The following PDE6C variants were observed in gnomAD, a reference collection of about 807,000 sequenced individuals.
PDE6C encodes the protein cone cGMP-specific 3',5'-cyclic phosphodiesterase subunit alpha'.
A neutral mutation model predicts 113.1 loss-of-function variants in PDE6C; 75 were observed. The ratio of observed to expected loss-of-function variants is 0.66; its 90% CI spans 0.55 to 0.80. PDE6C has a LOEUF of 0.80. PDE6C is among the 30% of genes least tolerant of loss of function. The pLI is 0.00. For missense variants in PDE6C, 912 were observed against 1,038.6 expected, an observed-to-expected ratio of 0.88 and a Z score of 1.67; for synonymous variants, 375 against 363.7, an observed-to-expected ratio of 1.03 and a Z score of -0.35.
intron 4 of PDE6C, among the ~76,000 whole-genome samples, chr10:93,622,662 G>T (rs12784096): frequency 0.048 from 2,343 of 48,328 alleles, 110 homozygotes; most frequent in African/African-American, 0.14. Context: ...TTTTTTTTTT[G>T]TTGTTTTTTT....
At chr10:93,655,261 T>C (rs2058631053) in intron 15 of PDE6C, among the ~76,000 whole-genome samples, 1 of 152,180 alleles carries the variant, frequency 6.6e-6, no homozygotes. Flanking sequence ...GATTTCATTA[T>C]TTTTTCCTAC....
In PDE6C at chr10:93,631,869, C is replaced by T. The variant is rs567414998; in HGVS notation, c.1119+2564C>T. 2.1e-3 allele frequency among the ~76,000 whole-genome samples: 316 copies of T among 152,354 alleles called. 1 individual carries two copies. Among genetic ancestry groups the T allele is most frequent in the Non-Finnish European group, 2.9e-3 (196 of 68,038 alleles). On this transcript the variant is annotated intron_variant, in intron 8 of 21. Transcript: ENST00000371447. ...TCTTGGGGGCATAATGGATTCATTT[C>T]CTATTGCTGCTGTCACGAATTGCCA...
At chr10:93,645,880 AT>A in intron 14 of PDE6C, 79 bp from the exon 15 acceptor site, 1 of 823,052 alleles carries the variant, frequency 1.2e-6, no homozygotes, top group African/African-American at 1.7e-5. Context: ...GAAGAGAGAC[AT>A]TAAGAAAAAT....
intron 15 of PDE6C, among the ~76,000 whole-genome samples, chr10:93,654,806 C>CTTT (rs1244035989): frequency 2.4e-5 from 2 of 82,924 alleles, no homozygotes; most frequent in East Asian, 4.3e-4. Context: ...TTCTTTCTTT[C>CTTT]TTTCTTTTTT....
chr10:93,631,617 T>A (rs962158719), intron 8 of PDE6C, among the ~76,000 whole-genome samples: 16 of 152,222 alleles, frequency 1.1e-4, no homozygotes, highest in African/African-American at 3.9e-4. Flanking sequence ...TTCAACGGCA[T>A]CACCTGTGCA....
chr10:93,633,872 G>C (rs1240161718), intron 8 of PDE6C, among the ~76,000 whole-genome samples: 1 of 152,186 alleles, frequency 6.6e-6, no homozygotes, highest in Admixed American at 6.5e-5. Context: ...TCAGGCTTGG[G>C]AAAGAAAGGG....
intron 11 of PDE6C, among the ~76,000 whole-genome samples, chr10:93,639,326 T>A (rs77662583): frequency 0.037 from 5,623 of 152,340 alleles, 133 homozygotes; most frequent in Middle Eastern, 0.092. Context: ...GTATATATTT[T>A]ATAGCCACTT....
intron 16 of PDE6C, among the ~76,000 whole-genome samples, chr10:93,656,957 C>A (rs2058640597): frequency 6.6e-6 from 1 of 152,056 alleles, no homozygotes; most frequent in Non-Finnish European, 1.5e-5. Flanking sequence ...CTAAATTTAA[C>A]AAATGCGAAA....
At chr10:93,621,901 TA>T (rs765117147) in intron 3 of PDE6C, 30 bp from the exon 4 acceptor site, 26 of 1,603,792 alleles carry the variant, frequency 1.6e-5, no homozygotes, top group Non-Finnish European at 2.1e-5. Flanking sequence ...TACTTTATTC[TA>T]ACTGTTTTCT....
intron 9 of PDE6C, 107 bp from the exon 10 acceptor site, chr10:93,635,390 G>A: frequency 1.2e-6 from 1 of 827,516 alleles, no homozygotes. Context: ...AAGGAATGGG[G>A]TGGTTGATGA....
intron 15 of PDE6C, 95 bp from the exon 16 acceptor site, chr10:93,655,660 AGTGTT>A: frequency 1.5e-5 from 11 of 716,294 alleles, no homozygotes; most frequent in South Asian, 9.2e-5. Flanking sequence ...CAAACAAAAA[AGTGTT>A]GAAAGACTTT....
rs1424523043 is a variant in PDE6C, at chr10:93,640,564, A to G, written c.1737+7A>G. ...CATGTTTACTTTGCTGATGGTAGGTACAGAGGGCTGTAAATCCTTGTAAAC... is the reference window on the plus strand; with the variant it reads ...CATGTTTACTTTGCTGATGGTAGGTGCAGAGGGCTGTAAATCCTTGTAAAC... On this transcript the variant is annotated splice_region_variant and intron_variant, in intron 13 of 21. Transcript: ENST00000371447. The G allele has an allele frequency of 1.3e-6, 2 of 1,568,690 alleles. No homozygotes were observed. The highest frequency in any genetic ancestry group is 1.8e-6 in the Non-Finnish European group (2 of 1,138,628).
chr10:93,622,287 T>TG (rs1226603189), intron 4 of PDE6C, among the ~76,000 whole-genome samples: 1 of 128,000 alleles, frequency 7.8e-6, no homozygotes, highest in African/African-American at 3.1e-5. Flanking sequence ...TCAGCAAGTC[T>TG]GTTTTTTTTT....
At chr10:93,628,618 C>T (rs1049727085) in intron 7 of PDE6C, among the ~76,000 whole-genome samples, 7 of 152,162 alleles carry the variant, frequency 4.6e-5, no homozygotes, top group Admixed American at 3.9e-4. Context: ...AAATAAAATG[C>T]TATGATTTTA....
At chr10:93,646,708 G>A (rs1387858025) in intron 15 of PDE6C, among the ~76,000 whole-genome samples, 1 of 152,142 alleles carries the variant, frequency 6.6e-6, no homozygotes, top group Non-Finnish European at 1.5e-5. Flanking sequence ...GATCTCATGA[G>A]AATTCACTCA....
intron 15 of PDE6C, among the ~76,000 whole-genome samples, chr10:93,653,859 A>T (rs888162981): frequency 6.6e-6 from 1 of 152,190 alleles, no homozygotes; most frequent in Non-Finnish European, 1.5e-5. Context: ...TGCTTTGTAA[A>T]ACACCACTTT....
chr10:93,634,894 A>G lies in PDE6C; in HGVS notation c.1256A>G (p.Glu419Gly). Reference protein sequence around the residue: ...KDGKPFDEHDEYITETLTQFL... With the variant: ...KDGKPFDEHDGYITETLTQFL... ...GGAAAACCTTTCGATGAGCATGATG[A>G]ATACATTACCGAGGCAAGTGCAATA... The change falls in exon 9 of 22, where the codon GAA (glutamate) becomes GGA (glycine). Residue 419 changes from glutamate to glycine, a missense_variant. Coordinates refer to ENST00000371447, the MANE Select transcript of PDE6C (RefSeq NM_006204.4). 6.2e-7 allele frequency: 1 copy of G among 1,614,116 alleles called. No homozygotes were observed. Among genetic ancestry groups the G allele is most frequent in the East Asian group, 2.2e-5 (1 of 44,862 alleles).
intron 15 of PDE6C, among the ~76,000 whole-genome samples, chr10:93,655,232 T>C (rs1327389908): frequency 1.3e-5 from 2 of 152,132 alleles, no homozygotes; most frequent in East Asian, 3.8e-4. Context: ...ATGAAAACAT[T>C]TTCAGGATAA....
chr10:93,624,167 G>A (rs895518450), intron 4 of PDE6C, among the ~76,000 whole-genome samples: 1 of 152,052 alleles, frequency 6.6e-6, no homozygotes, highest in African/African-American at 2.4e-5. Context: ...TAATGCCCTT[G>A]TGTCATCTTC....
Sources: allele counts gnomAD v4.1 joint callset (sites outside exome capture counted in the v4.1 genomes callset), GRCh38; gene constraint gnomAD v4.1.1; transcripts MANE v1.5; gene names NCBI Gene and HGNC (gene_info 2026-07-23, HGNC 2026-07-21).